Variants in RABGAP1L observed in about 807,000 individuals in gnomAD.
RABGAP1L encodes the protein rab GTPase-activating protein 1-like.
Under a neutral mutation model 137.7 loss-of-function variants are expected in RABGAP1L, and 63 were observed. The ratio of observed to expected loss-of-function variants is 0.46; its 90% confidence interval spans 0.37 to 0.56. The LOEUF is 0.56. Ranked by LOEUF, RABGAP1L falls within the 20% of genes least tolerant of loss-of-function variation. The pLI is 0.00. For missense variants in RABGAP1L, 1,095 were observed against 1,244.0 expected (o/e 0.88, Z 1.80); for synonymous variants, 431 against 433.7 (o/e 0.99, Z 0.08).
chr1:174,605,833 C>T (rs1670751685), intron 13 of RABGAP1L, among the ~76,000 whole-genome samples: 2 of 152,182 alleles, frequency 1.3e-5, no homozygotes, highest in Non-Finnish European at 2.9e-5. Flanking sequence ...AACATCATCT[C>T]ATTCCTTCTT....
At chr1:174,509,156 G>A (rs562277908) in intron 13 of RABGAP1L, among the ~76,000 whole-genome samples, 1 of 152,078 alleles carries the variant, frequency 6.6e-6, no homozygotes, top group Non-Finnish European at 1.5e-5. Flanking sequence ...AAAACCTTTT[G>A]CTCAGATACC....
chr1:174,339,555 G>T (rs1408850731), intron 11 of RABGAP1L, among the ~76,000 whole-genome samples: 1 of 152,110 alleles, frequency 6.6e-6, no homozygotes, highest in African/African-American at 2.4e-5. Flanking sequence ...TTATAAGTTA[G>T]TTGAGGAAGG....
At chr1:174,538,814 C>G (rs1558319871) in intron 13 of RABGAP1L, among the ~76,000 whole-genome samples, 1 of 152,114 alleles carries the variant, frequency 6.6e-6, no homozygotes, top group African/African-American at 2.4e-5. Context: ...TCCCGTAATA[C>G]CACATAGGTA....
intron 13 of RABGAP1L, among the ~76,000 whole-genome samples, chr1:174,613,012 T>C (rs916160656): frequency 6.6e-6 from 1 of 151,718 alleles, no homozygotes; most frequent in Admixed American, 6.6e-5. Context: ...AACCAGGTCC[T>C]AGATTCATTA....
intron 13 of RABGAP1L, among the ~76,000 whole-genome samples, chr1:174,597,846 G>A (rs933590352): frequency 2.0e-5 from 3 of 151,668 alleles, no homozygotes; most frequent in Non-Finnish European, 2.9e-5. Context: ...TGGTGTGTTG[G>A]GTTTCCATTT....
chr1:174,305,420 C>G (rs1030038309), intron 11 of RABGAP1L, among the ~76,000 whole-genome samples: 5 of 152,118 alleles, frequency 3.3e-5, no homozygotes, highest in African/African-American at 1.2e-4. Flanking sequence ...AGAGTCTCCC[C>G]TGTCACCCAG....
chr1:174,393,945 T>G, intron 12 of RABGAP1L, 50 bp from the exon 13 acceptor site: 1 of 1,589,688 alleles, frequency 6.3e-7, no homozygotes, highest in Non-Finnish European at 8.6e-7. Flanking sequence ...GCAACAGCAG[T>G]TCAGGAGTTG....
At chr1:174,617,189 T>G (rs575275960) in intron 13 of RABGAP1L, among the ~76,000 whole-genome samples, 3 of 152,342 alleles carry the variant, frequency 2.0e-5, no homozygotes, top group Admixed American at 6.5e-5. Flanking sequence ...ATCTCTAGAC[T>G]GCTATTTATG....
At chr1:174,623,047 G>C (rs1672656968) in intron 13 of RABGAP1L, among the ~76,000 whole-genome samples, 1 of 152,148 alleles carries the variant, frequency 6.6e-6, no homozygotes. Context: ...ATCTGATACA[G>C]ATTTTTCACA....
intron 13 of RABGAP1L, among the ~76,000 whole-genome samples, chr1:174,567,711 T>G (rs779742234): frequency 1.3e-5 from 2 of 152,184 alleles, no homozygotes; most frequent in Non-Finnish European, 2.9e-5. Flanking sequence ...TGATGAGAGC[T>G]TCGTAGTAGA....
chr1:174,174,088 T>A (rs1665628526), intron 1 of RABGAP1L, among the ~76,000 whole-genome samples: 1 of 151,914 alleles, frequency 6.6e-6, no homozygotes, highest in Non-Finnish European at 1.5e-5. Context: ...AAGGTTGTAG[T>A]AGATTAAGGA....
intron 14 of RABGAP1L, among the ~76,000 whole-genome samples, chr1:174,673,928 A>C (rs1326695004): frequency 6.6e-6 from 1 of 152,206 alleles, no homozygotes; most frequent in Non-Finnish European, 1.5e-5. Context: ...AGAATGTAGA[A>C]GTATTTGTCA....
At position 174,286,689 on chromosome 1, in the gene RABGAP1L, A is replaced by G. The variant is rs928008717; in HGVS notation, c.1323+7910A>G. On this transcript the variant is annotated intron_variant, in intron 10 of 25. Transcript: ENST00000681986. ...TTCCCCATAATTTAGACATTTATCA[A>G]TATAAACTTTCCCACTTAGAACTTC... Among the ~76,000 whole-genome samples, 14 of 152,104 alleles carry G rather than the reference A, an allele frequency of 9.2e-5. No individual in the cohort carries two copies. In the East Asian group the frequency reaches 9.7e-4, roughly 10 times the overall value.
chr1:174,596,748 C>G (rs6666123), intron 13 of RABGAP1L, among the ~76,000 whole-genome samples: 2,034 of 152,172 alleles, frequency 0.013, 44 homozygotes, highest in African/African-American at 0.045. Flanking sequence ...ATTTCCAGGA[C>G]TATGTTGAAT....
chr1:174,622,708 G>T (rs1030191770), intron 13 of RABGAP1L, among the ~76,000 whole-genome samples: 4 of 152,190 alleles, frequency 2.6e-5, no homozygotes, highest in African/African-American at 9.7e-5. Flanking sequence ...CTGTTGTGGA[G>T]TGAGGGAAGG....
At chr1:174,438,682 C>T (rs1024238967) in intron 13 of RABGAP1L, among the ~76,000 whole-genome samples, 2 of 146,818 alleles carry the variant, frequency 1.4e-5, no homozygotes, top group African/African-American at 2.6e-5. Context: ...CACGCCACTG[C>T]ACTCCAGCCT....
chr1:174,351,201 T>G (rs1244647648), intron 11 of RABGAP1L, among the ~76,000 whole-genome samples: 1 of 152,182 alleles, frequency 6.6e-6, no homozygotes, highest in Non-Finnish European at 1.5e-5. Flanking sequence ...AGTAGTTTAC[T>G]AGTTTACAAA....
In RABGAP1L at chr1:174,233,381, C is replaced by T. The variant is rs1450833828; in HGVS notation, c.542+2026C>T. 9.4e-5 allele frequency among the ~76,000 whole-genome samples: 14 copies of T among 149,084 alleles called. No homozygotes were observed. In the East Asian group the frequency reaches 2.8e-3, roughly 29 times the overall value. ...CTGCACCCACTAACTCGTCATCTAG[C>T]ATTAGGTATATATCCCAATGCTATC... On this transcript the variant is annotated intron_variant, in intron 4 of 25. Coordinates refer to ENST00000681986, the MANE Select transcript of RABGAP1L (RefSeq NM_001366446.1).
chr1:174,715,499 A>AT, intron 17 of RABGAP1L, among the ~76,000 whole-genome samples: 1 of 152,306 alleles, frequency 6.6e-6, no homozygotes, highest in Admixed American at 6.5e-5. Context: ...ACTGGAGAGT[A>AT]TTTCTGGGCC....
Sources: gnomAD v4.1 joint callset for allele counts (sites outside exome capture counted in the v4.1 genomes callset) on GRCh38, gnomAD v4.1.1 for gene constraint, MANE v1.5 for transcripts, NCBI Gene and HGNC (gene_info 2026-07-23, HGNC 2026-07-21) for gene names.